LRBA: variants seen among roughly 807,000 people sequenced by gnomAD.
LRBA encodes LPS responsive beige-like anchor protein.
LRBA carries 176 observed loss-of-function variants against 330.0 expected under a neutral mutation model. That is an observed-to-expected ratio of 0.53 (90% CI 0.47 to 0.60). The LOEUF is 0.60. Among genes scored for constraint, LRBA ranks in the 20% least tolerant of loss-of-function variants. LRBA has a pLI of 0.00. For missense variants in LRBA, 3,259 were observed against 3,444.8 expected (o/e 0.95, Z 1.35); for synonymous variants, 1,230 against 1,193.0 (o/e 1.03, Z -0.64).
At chr4:150,700,302 C>T (rs1003673825) in intron 36 of LRBA, among the ~76,000 whole-genome samples, 1 of 152,042 alleles carries the variant, frequency 6.6e-6, no homozygotes, top group African/African-American at 2.4e-5. Context: ...GCCTAGGAGC[C>T]ATACAAATAT....
intron 46 of LRBA, among the ~76,000 whole-genome samples, chr4:150,419,490 C>T (rs1168969115): frequency 6.6e-6 from 1 of 151,986 alleles, no homozygotes; most frequent in Non-Finnish European, 1.5e-5. Flanking sequence ...AATCTAATAA[C>T]TATGAAGGAA....
At chr4:150,681,999 G>C (rs187839295) in intron 37 of LRBA, among the ~76,000 whole-genome samples, 3 of 152,234 alleles carry the variant, frequency 2.0e-5, no homozygotes, top group Admixed American at 2.0e-4. Context: ...CAAAGGTACA[G>C]CTATCAACAG....
chr4:150,423,162 A>G, intron 46 of LRBA: 19 of 1,217,144 alleles, frequency 1.6e-5, no homozygotes, highest in Non-Finnish European at 2.3e-5. Flanking sequence ...ACCTCGGGGC[A>G]GGGTCCCTCC....
intron 47 of LRBA, among the ~76,000 whole-genome samples, chr4:150,379,633 C>T (rs1270188206): frequency 6.6e-6 from 1 of 152,132 alleles, no homozygotes; most frequent in Non-Finnish European, 1.5e-5. Context: ...AAACAAAAAA[C>T]TATCATCATT....
intron 55 of LRBA, among the ~76,000 whole-genome samples, chr4:150,279,362 A>T (rs1046198273): frequency 2.0e-5 from 3 of 152,210 alleles, no homozygotes; most frequent in Non-Finnish European, 4.4e-5. Flanking sequence ...TAGCTTATTA[A>T]GATACAAATT....
chr4:150,662,620 G>A (rs1781221435), intron 37 of LRBA, among the ~76,000 whole-genome samples: 1 of 152,192 alleles, frequency 6.6e-6, no homozygotes, highest in African/African-American at 2.4e-5. Flanking sequence ...AAGAGTGAAA[G>A]TGTAAGATAA....
At chr4:150,571,923 C>A (rs1381566324) in intron 40 of LRBA, among the ~76,000 whole-genome samples, 1 of 151,286 alleles carries the variant, frequency 6.6e-6, no homozygotes. Context: ...TGGTACGACC[C>A]AAACTCCCAC....
chr4:150,454,396 A>C (rs1286795143), intron 44 of LRBA, among the ~76,000 whole-genome samples: 3 of 152,082 alleles, frequency 2.0e-5, no homozygotes, highest in Admixed American at 1.3e-4. Flanking sequence ...CAAGTTTATA[A>C]AGACAATTAA....
chr4:150,553,632 C>T (rs1766910344), intron 40 of LRBA, among the ~76,000 whole-genome samples: 1 of 152,094 alleles, frequency 6.6e-6, no homozygotes. Context: ...TTAAGAATAT[C>T]ATACTTTTCA....
chr4:150,445,082 C>T (rs1167288402), intron 44 of LRBA, among the ~76,000 whole-genome samples: 1 of 151,958 alleles, frequency 6.6e-6, no homozygotes, highest in Non-Finnish European at 1.5e-5. Flanking sequence ...ATAAAGAATG[C>T]TGATATAACA....
chr4:150,974,815 T>C (rs1739969255), intron 2 of LRBA, among the ~76,000 whole-genome samples: 2 of 152,116 alleles, frequency 1.3e-5, no homozygotes, highest in South Asian at 2.1e-4. Context: ...AGTAAAAGCT[T>C]TGAGAATCGA....
intron 48 of LRBA, among the ~76,000 whole-genome samples, chr4:150,333,885 G>A (rs902355316): frequency 1.3e-5 from 2 of 152,044 alleles, no homozygotes; most frequent in African/African-American, 2.4e-5. Flanking sequence ...GGCCAAAAAA[G>A]GACCCATAGC....
intron 56 of LRBA, among the ~76,000 whole-genome samples, chr4:150,268,059 CAAA>C (rs199767343): frequency 3.4e-4 from 39 of 115,288 alleles, no homozygotes; most frequent in Non-Finnish European, 1.8e-4. Flanking sequence ...GACTCCATCT[CAAA>C]AAAAAAAAAA....
intron 36 of LRBA, among the ~76,000 whole-genome samples, chr4:150,690,256 C>A (rs1783999012): frequency 6.6e-6 from 1 of 152,024 alleles, no homozygotes; most frequent in Non-Finnish European, 1.5e-5. Context: ...CTAATCCCAG[C>A]ACTTTGGGAG....
At chr4:150,462,036 G>A (rs1283321935) in intron 44 of LRBA, among the ~76,000 whole-genome samples, 1 of 151,774 alleles carries the variant, frequency 6.6e-6, no homozygotes, top group Non-Finnish European at 1.5e-5. Flanking sequence ...ATGACATTTT[G>A]TAAATATATT....
chr4:150,906,454 T>G, intron 11 of LRBA, 49 bp from the exon 12 acceptor site: 1 of 1,077,828 alleles, frequency 9.3e-7, no homozygotes. Flanking sequence ...TTCTATTTTT[T>G]TTAAATTAGG....
intron 40 of LRBA, among the ~76,000 whole-genome samples, chr4:150,562,506 A>G (rs1768497467): frequency 6.6e-6 from 1 of 152,178 alleles, no homozygotes; most frequent in African/African-American, 2.4e-5. Context: ...CCTGCTATGT[A>G]TGTATGTTCT....
At chr4:150,868,918 A>G (rs1753075972) in intron 20 of LRBA, among the ~76,000 whole-genome samples, 1 of 152,224 alleles carries the variant, frequency 6.6e-6, no homozygotes, top group South Asian at 2.1e-4. Context: ...AGCCTAAGCG[A>G]CACAGCAAGA....
At chr4:150,992,224 G>A (rs2952816) in intron 2 of LRBA, among the ~76,000 whole-genome samples, 1 of 150,990 alleles carries the variant, frequency 6.6e-6, no homozygotes, top group Admixed American at 6.6e-5. Flanking sequence ...GCTGAGGCTA[G>A]AAAATCGCTT....
Sources: gnomAD v4.1 joint callset for allele counts (sites outside exome capture counted in the v4.1 genomes callset) on GRCh38, gnomAD v4.1.1 for gene constraint, MANE v1.5 for transcripts, NCBI Gene and HGNC (gene_info 2026-07-23, HGNC 2026-07-21) for gene names.